ZNG1B: variants seen among roughly 807,000 people sequenced by gnomAD.
ZNG1B encodes Zn regulated GTPase metalloprotein activator 1B, also known as zinc-regulated GTPase metalloprotein activator 1B.
At chr2:113,461,281 C>T in the ZNG1B span, among the ~76,000 whole-genome samples, 1 of 151,234 alleles carries the variant, frequency 6.6e-6, no homozygotes, top group East Asian at 1.9e-4. Context: ...GGGGTTTCAC[C>T]ATGTTGGCCA....
the ZNG1B span, among the ~76,000 whole-genome samples, chr2:113,446,475 G>C: frequency 6.6e-6 from 1 of 152,176 alleles, no homozygotes; most frequent in Admixed American, 6.5e-5. Context: ...GGCTGGGCAT[G>C]GTGGCTCATG....
At chr2:113,468,868 G>A in the ZNG1B span, 4 of 151,694 alleles carry the variant, frequency 2.6e-5, no homozygotes, top group African/African-American at 9.7e-5. Flanking sequence ...CTGTAAAAGA[G>A]TGTAATTTGT....
chr2:113,441,278 G>A, the ZNG1B span: 1 of 1,331,000 alleles, frequency 7.5e-7, no homozygotes, highest in African/African-American at 1.5e-5. Flanking sequence ...AAAAACGTTA[G>A]GATTCTTTAT....
the ZNG1B span, chr2:113,438,992 G>T: frequency 8.7e-7 from 1 of 1,144,552 alleles, no homozygotes; most frequent in East Asian, 2.6e-5. Context: ...ATTTTATAAA[G>T]GAATTTATTT....
chr2:113,492,256 T>A, the ZNG1B span, among the ~76,000 whole-genome samples: 1 of 139,842 alleles, frequency 7.2e-6, no homozygotes, highest in Non-Finnish European at 1.6e-5. Context: ...CATCAATCAA[T>A]GCGTGGATAA....
the ZNG1B span, among the ~76,000 whole-genome samples, chr2:113,446,811 T>G: frequency 7.4e-6 from 1 of 134,580 alleles, no homozygotes; most frequent in Non-Finnish European, 1.6e-5. Flanking sequence ...CACACACACA[T>G]TCATACACAC....
the ZNG1B span, among the ~76,000 whole-genome samples, chr2:113,479,006 A>G: frequency 6.6e-6 from 1 of 152,134 alleles, no homozygotes; most frequent in African/African-American, 2.4e-5. Flanking sequence ...GTACCTTTTT[A>G]GACTAAACAA....
chr2:113,456,802 A>G, the ZNG1B span, among the ~76,000 whole-genome samples: 10 of 152,184 alleles, frequency 6.6e-5, no homozygotes, highest in Admixed American at 5.9e-4. Flanking sequence ...AACTTGTCCA[A>G]TTCCTCTGGT....
the ZNG1B span, among the ~76,000 whole-genome samples, chr2:113,485,754 G>A: frequency 6.6e-6 from 1 of 151,860 alleles, no homozygotes; most frequent in Admixed American, 6.6e-5. Context: ...AGGGGGCTTA[G>A]TGTTCTGGAT....
At chr2:113,460,031 A>C in the ZNG1B span, among the ~76,000 whole-genome samples, 2 of 139,878 alleles carry the variant, frequency 1.4e-5, no homozygotes, top group Non-Finnish European at 3.1e-5. Context: ...AAACAGTTGC[A>C]CTGAGAGGCC....
the ZNG1B span, chr2:113,470,800 CAT>C: frequency 7.1e-6 from 4 of 565,098 alleles, no homozygotes; most frequent in African/African-American, 5.8e-5. Context: ...TTGAAAAGCT[CAT>C]AAATTTCAGG....
chr2:113,438,944 T>C, the ZNG1B span: 17 of 1,534,086 alleles, frequency 1.1e-5, 1 homozygote, highest in East Asian at 3.7e-4. Context: ...AAAAACTTTG[T>C]AGACTGTAAG....
At chr2:113,473,207 T>C in the ZNG1B span, among the ~76,000 whole-genome samples, 1 of 152,048 alleles carries the variant, frequency 6.6e-6, no homozygotes, top group Non-Finnish European at 1.5e-5. Context: ...TTCACATCCC[T>C]TGTAAGTCAG....
the ZNG1B span, chr2:113,471,207 A>G: frequency 1.4e-6 from 2 of 1,418,582 alleles, no homozygotes; most frequent in Non-Finnish European, 1.9e-6. Context: ...CCTTTGGCAT[A>G]CAAGACCATA....
the ZNG1B span, chr2:113,462,857 T>A: frequency 2.7e-6 from 1 of 365,946 alleles, no homozygotes; most frequent in Non-Finnish European, 4.8e-6. Context: ...TCTTTACTCA[T>A]AATGTATTCT....
the ZNG1B span, among the ~76,000 whole-genome samples, chr2:113,457,763 G>A: frequency 7.1e-6 from 1 of 140,064 alleles, no homozygotes; most frequent in African/African-American, 2.6e-5. Context: ...TTTTTGAGGG[G>A]GGTGGTAAGA....
the ZNG1B span, chr2:113,481,546 T>A: frequency 2.0e-5 from 3 of 152,022 alleles, no homozygotes; most frequent in South Asian, 6.2e-4. Flanking sequence ...CCCATCAGTG[T>A]TGAAATGTAT....
At chr2:113,471,227 G>C in the ZNG1B span, 1 of 1,386,390 alleles carries the variant, frequency 7.2e-7, no homozygotes, top group South Asian at 1.2e-5. Context: ...ACTTAATGAG[G>C]TATATTCTTG....
chr2:113,475,592 CTT>C, the ZNG1B span, among the ~76,000 whole-genome samples: 1 of 151,870 alleles, frequency 6.6e-6, no homozygotes, highest in Non-Finnish European at 1.5e-5. Context: ...CTTGGATGGT[CTT>C]TACATTTTGG....
Sources: gnomAD v4.1 joint callset for allele counts (sites outside exome capture counted in the v4.1 genomes callset) on GRCh38, gnomAD v4.1.1 for gene constraint, MANE v1.5 for transcripts, NCBI Gene and HGNC (gene_info 2026-07-23, HGNC 2026-07-21) for gene names.